The following KANK4 variants were observed in gnomAD, a reference collection of about 807,000 sequenced individuals.
KANK4 encodes KN motif and ankyrin repeat domain-containing protein 4.
Under a neutral mutation model 80.8 loss-of-function variants are expected in KANK4, and 50 were observed. The observed-to-expected ratio is 0.62, with a 90% CI of 0.49 to 0.78. KANK4 has a LOEUF of 0.78. Ranked by LOEUF, KANK4 falls within the 30% of genes least tolerant of loss-of-function variation. KANK4 has a pLI of 0.00. For missense variants in KANK4, 1,196 were observed against 1,240.1 expected (o/e 0.96, Z 0.53); for synonymous variants, 465 against 506.9 (o/e 0.92, Z 1.11).
intron 1 of KANK4, among the ~76,000 whole-genome samples, chr1:62,291,747 A>G (rs1253417785): frequency 2.6e-5 from 4 of 152,148 alleles, no homozygotes; most frequent in African/African-American, 7.2e-5. Context: ...AGCTGGGATT[A>G]CAGGTGTGCA....
chr1:62,267,412 A>C (rs878899875), intron 5 of KANK4, among the ~76,000 whole-genome samples: 2 of 152,142 alleles, frequency 1.3e-5, no homozygotes, highest in Admixed American at 1.3e-4. Context: ...GCTGGGCTCA[A>C]ACTCCTAACC....
At chr1:62,292,805 T>C (rs1283235201) in intron 1 of KANK4, among the ~76,000 whole-genome samples, 2 of 152,196 alleles carry the variant, frequency 1.3e-5, no homozygotes, top group South Asian at 2.1e-4. Flanking sequence ...AAAGTCAGCT[T>C]TGGAATCCAA....
chr1:62,264,458 CTG>C (rs1213746648), intron 6 of KANK4, among the ~76,000 whole-genome samples: 1 of 152,160 alleles, frequency 6.6e-6, no homozygotes, highest in Non-Finnish European at 1.5e-5. Flanking sequence ...ACTGACTCAG[CTG>C]TGGGACCTTG....
chr1:62,260,138 T>C (rs1176358049), intron 7 of KANK4, among the ~76,000 whole-genome samples: 1 of 152,178 alleles, frequency 6.6e-6, no homozygotes, highest in Admixed American at 6.5e-5. Context: ...TTCTCCTTTT[T>C]TTGCTTCCAT....
chr1:62,279,478 A>G (rs1672405336), intron 2 of KANK4, among the ~76,000 whole-genome samples: 1 of 152,228 alleles, frequency 6.6e-6, no homozygotes. Context: ...ACTCTGTTCA[A>G]AATGAAATTC....
intron 7 of KANK4, among the ~76,000 whole-genome samples, chr1:62,254,519 G>A (rs1396211089): frequency 6.6e-6 from 1 of 150,740 alleles, no homozygotes; most frequent in African/African-American, 2.4e-5. Context: ...TGGGATTACA[G>A]GTGTGAGCCA....
chr1:62,243,402 A>G (rs999714089), intron 9 of KANK4, among the ~76,000 whole-genome samples: 1 of 151,138 alleles, frequency 6.6e-6, no homozygotes, highest in African/African-American at 2.4e-5. Flanking sequence ...GCAGTGGCGC[A>G]ATCTCAGCTC....
intron 1 of KANK4, among the ~76,000 whole-genome samples, chr1:62,289,242 G>A (rs114678876): frequency 0.014 from 2,114 of 152,250 alleles, 47 homozygotes; most frequent in African/African-American, 0.048. Flanking sequence ...ACACCCCTGC[G>A]TACTGTTACT....
In KANK4 at chr1:62,273,243, G is replaced by A; in HGVS notation, c.1861C>T (p.Pro621Ser). 3.3e-6 allele frequency: 5 copies of A among 1,528,720 alleles called. No individual in the cohort carries two copies. The highest frequency in any genetic ancestry group is 4.4e-6 in the Non-Finnish European group (5 of 1,137,614). 94.7% of individuals were successfully genotyped at this position (1,528,720 alleles called of 1,614,324 possible). Residue 621 changes from proline (P) to serine (S), a missense_variant, in exon 3 of 10, where the codon CCC becomes TCC. Pro to Ser is a moderately conservative substitution (Grantham distance 74). This residue lies in a region of KANK4 where 1,154 missense variants were observed against 1,179.6 expected (regional missense o/e 0.98). Coordinates refer to ENST00000371153, the MANE Select transcript of KANK4 (RefSeq NM_181712.5). ...LSAYSAQAHP[P>S]KEPPASSSSP... is the part of the protein sequence containing the mutation. ...GAGGAGGAGGCCGGTGGCTCCTTGG[G>A]TGGGTGAGCCTGGGCCGAGTAGGCC...
At chr1:62,316,591 G>A (rs943881842) in intron 1 of KANK4, among the ~76,000 whole-genome samples, 3 of 152,182 alleles carry the variant, frequency 2.0e-5, no homozygotes, top group African/African-American at 7.2e-5. Flanking sequence ...TTTGGAAATG[G>A]GTTAATGGAG....
intron 7 of KANK4, among the ~76,000 whole-genome samples, chr1:62,260,798 A>G (rs1271481589): frequency 6.6e-6 from 1 of 152,040 alleles, no homozygotes. Context: ...TATTTCTTCT[A>G]GTTATCACAC....
intron 1 of KANK4, among the ~76,000 whole-genome samples, chr1:62,297,044 G>A (rs865954936): frequency 1.3e-5 from 2 of 151,820 alleles, no homozygotes; most frequent in Middle Eastern, 3.4e-3. Context: ...TGGTGAAACC[G>A]CGTCTCTACT....
At position 62,273,545 on chromosome 1, in the gene KANK4, C is replaced by T. The variant is rs779701977; in HGVS notation, c.1559G>A (p.Gly520Glu). ...TCTGTCGCTGCCCCACAGAAAGCCT[C>T]CTGCTCCCCTGGTTCCTCCCTGAGG... ...GGPQGGTRGA[G>E]GFLWGSDRKT... is the part of the protein sequence containing the mutation. The change falls in exon 3 of 10, where the codon GGA becomes GAA. Residue 520 changes from glycine (G) to glutamate (E), a missense_variant. Physicochemically the swap from Gly to Glu is moderately conservative, Grantham distance 98. Transcript: ENST00000371153. 4 of 1,613,526 alleles carry T rather than the reference C, an allele frequency of 2.5e-6. No homozygotes were observed. Among genetic ancestry groups the T allele is most frequent in the East Asian group, 2.2e-5 (1 of 44,888 alleles).
chr1:62,244,512 G>C (rs897796410), intron 9 of KANK4, among the ~76,000 whole-genome samples: 3 of 152,138 alleles, frequency 2.0e-5, no homozygotes, highest in Non-Finnish European at 4.4e-5. Context: ...TCTCATGATA[G>C]TGAGTAAGTC....
intron 8 of KANK4, among the ~76,000 whole-genome samples, chr1:62,250,682 G>A (rs1338155774): frequency 1.3e-5 from 2 of 149,086 alleles, no homozygotes; most frequent in Admixed American, 1.4e-4. Context: ...CCTCTTGCAA[G>A]CAACCCCTCT....
In KANK4 at chr1:62,238,337, A is replaced by G. The variant is rs2149110399; in HGVS notation, c.2928T>C (p.His976=). ...CTCTCAGAAGCCCAGCAATTTCCAT[A>G]TGGGTGGGTGACTTCAGAGCGATGG... The part of the protein sequence containing the change: ...ALSIALKSPT[H]MEIAGLLRAH... Residue 976 remains histidine (H), a synonymous_variant, in exon 10 of 10, where the codon CAT becomes CAC. Transcript: ENST00000371153. 6.2e-7 allele frequency: 1 copy of G among 1,614,018 alleles called. No individual in the cohort carries two copies. The highest frequency in any genetic ancestry group is 1.6e-4 in the Middle Eastern group (1 of 6,062).
intron 8 of KANK4, among the ~76,000 whole-genome samples, chr1:62,249,163 C>CAAAA (rs10695105): frequency 0.017 from 2,325 of 136,338 alleles, 58 homozygotes; most frequent in African/African-American, 0.05. Context: ...AAATCTGTCT[C>CAAAA]AAAAAAAAAA....
intron 9 of KANK4, among the ~76,000 whole-genome samples, chr1:62,242,162 C>A (rs1278680107): frequency 7.7e-6 from 1 of 129,488 alleles, no homozygotes; most frequent in East Asian, 2.0e-4. Flanking sequence ...GGGAACTAGC[C>A]AGGTATGGTG....
At position 62,319,292 on chromosome 1, in the gene KANK4, C is replaced by G. The variant is rs1442376168; in HGVS notation, c.-257G>C. ...GCACACCCTCCAGGCGCCCTCTGGC[C>G]GACGGTCTCGGCCCTGGCCCCGGCG... On this transcript the variant is annotated 5_prime_UTR_variant, in exon 1 of 10. Coordinates refer to ENST00000371153, the MANE Select transcript of KANK4 (RefSeq NM_181712.5). 1 of 151,874 alleles carries G rather than the reference C, an allele frequency of 6.6e-6. No individual in the cohort carries two copies. The highest frequency in any genetic ancestry group is 1.5e-5 in the Non-Finnish European group (1 of 67,946). 9.4% of individuals were successfully genotyped at this position (151,874 alleles called of 1,614,324 possible).
Sources: gnomAD v4.1 joint callset for allele counts (sites outside exome capture counted in the v4.1 genomes callset) on GRCh38, gnomAD v4.1.1 for gene constraint, gnomAD v4.1.1 regional missense constraint, MANE v1.5 for transcripts, NCBI Gene and HGNC (gene_info 2026-07-23, HGNC 2026-07-21) for gene names.